Variants in CTNNA2 observed in about 807,000 individuals in gnomAD.
CTNNA2 encodes the protein catenin alpha 2.
Under a neutral mutation model 101.0 loss-of-function variants are expected in CTNNA2, and 42 were observed. The ratio of observed to expected loss-of-function variants is 0.42; its 90% confidence interval spans 0.32 to 0.54. The LOEUF (loss-of-function observed/expected upper bound fraction) is 0.54, where lower values mean the gene tolerates loss of function less well. Among genes scored for constraint, CTNNA2 ranks in the 20% least tolerant of loss-of-function variants. The pLI, the probability that CTNNA2 is intolerant of heterozygous loss-of-function variation, is 0.14. For missense variants in CTNNA2, 871 were observed against 1,223.1 expected, an observed-to-expected ratio of 0.71 and a Z score of 4.29; for synonymous variants, 450 against 456.4, an observed-to-expected ratio of 0.99 and a Z score of 0.18.
chr2:80,127,914 T>A (rs2148889857), intron 7 of CTNNA2, among the ~76,000 whole-genome samples: 1 of 152,272 alleles, frequency 6.6e-6, no homozygotes, highest in Non-Finnish European at 1.5e-5. Context: ...GGGAGAGTTC[T>A]TACTGGTCAC....
At chr2:80,097,457 C>T (rs1166270091) in intron 7 of CTNNA2, among the ~76,000 whole-genome samples, 1 of 152,120 alleles carries the variant, frequency 6.6e-6, no homozygotes, top group East Asian at 1.9e-4. Flanking sequence ...TTCATTTCAA[C>T]TTTGGTGAAT....
chr2:80,079,671 G>T (rs183466442), intron 7 of CTNNA2, among the ~76,000 whole-genome samples: 1 of 151,880 alleles, frequency 6.6e-6, no homozygotes, highest in African/African-American at 2.4e-5. Flanking sequence ...AAAATTAGCC[G>T]GGCGTGGTGG....
At chr2:80,109,004 A>G (rs1334320583) in intron 7 of CTNNA2, among the ~76,000 whole-genome samples, 1 of 152,160 alleles carries the variant, frequency 6.6e-6, no homozygotes, top group Non-Finnish European at 1.5e-5. Flanking sequence ...ATACCTCATC[A>G]CATACTTCCC....
intron 2 of CTNNA2, among the ~76,000 whole-genome samples, chr2:79,671,832 C>T (rs904173328): frequency 6.6e-6 from 1 of 152,170 alleles, no homozygotes; most frequent in African/African-American, 2.4e-5. Context: ...TGGAACTTCA[C>T]ATTGCATGTG....
At chr2:79,498,355 G>A (rs1290884568) in intron 4 of CTNNA2, among the ~76,000 whole-genome samples, 1 of 152,174 alleles carries the variant, frequency 6.6e-6, no homozygotes, top group Admixed American at 6.5e-5. Context: ...CTGTGTTTGA[G>A]CAGTTAAAGA....
intron 2 of CTNNA2, among the ~76,000 whole-genome samples, chr2:79,245,852 T>C (rs1214477219): frequency 1.3e-5 from 2 of 152,156 alleles, no homozygotes; most frequent in African/African-American, 4.8e-5. Flanking sequence ...CCTGTCCCTG[T>C]ATCTTCTCTC....
intron 15 of CTNNA2, among the ~76,000 whole-genome samples, chr2:80,595,094 T>C (rs116664433): frequency 0.014 from 2,195 of 152,210 alleles, 50 homozygotes; most frequent in African/African-American, 0.05. Flanking sequence ...CTTTCAGTAG[T>C]ATTGACATCT....
At chr2:79,515,368 A>G (rs1386027131) in intron 1 of CTNNA2, among the ~76,000 whole-genome samples, 1 of 152,210 alleles carries the variant, frequency 6.6e-6, no homozygotes, top group African/African-American at 2.4e-5. Flanking sequence ...AATTTCTTTC[A>G]AAAGACTTTT....
intron 4 of CTNNA2, among the ~76,000 whole-genome samples, chr2:79,402,819 A>C (rs1276780460): frequency 2.0e-5 from 3 of 151,854 alleles, no homozygotes; most frequent in Non-Finnish European, 4.4e-5. Flanking sequence ...ATTAGAAATC[A>C]ATCACAAAAT....
At chr2:80,448,631 G>A (rs561882185) in intron 9 of CTNNA2, among the ~76,000 whole-genome samples, 10 of 152,248 alleles carry the variant, frequency 6.6e-5, no homozygotes, top group Non-Finnish European at 1.3e-4. Flanking sequence ...CAGAACACCA[G>A]CTGCACTATT....
intron 4 of CTNNA2, among the ~76,000 whole-genome samples, chr2:79,450,873 G>A (rs1432214533): frequency 6.6e-6 from 1 of 152,090 alleles, no homozygotes; most frequent in East Asian, 1.9e-4. Context: ...ATGTATTCCA[G>A]TTCAGGGCCT....
chr2:79,846,752 T>C (rs1680259664), intron 3 of CTNNA2, among the ~76,000 whole-genome samples: 1 of 152,208 alleles, frequency 6.6e-6, no homozygotes, highest in South Asian at 2.1e-4. Context: ...TTGATAGTTA[T>C]TTTCTGAAAT....
chr2:80,528,081 T>C (rs961720564), intron 9 of CTNNA2, among the ~76,000 whole-genome samples: 1 of 152,352 alleles, frequency 6.6e-6, no homozygotes, highest in South Asian at 2.1e-4. Flanking sequence ...AATTTTCTTA[T>C]AGAATCAATT....
At position 79,295,510 on chromosome 2, in the gene CTNNA2, C is replaced by A. The variant is rs1022017560; in HGVS notation, c.-405-17199C>A. Among the ~76,000 whole-genome samples, 20 of 151,220 alleles carry A rather than the reference C, an allele frequency of 1.3e-4. No homozygotes were observed. The East Asian group carries it at 3.9e-3, about 29-fold the overall frequency. On this transcript the variant is annotated intron_variant, in intron 2 of 21. Transcript: ENST00000466387. ...TTTTTCTTTTCTTTTTTTTCTTTTT[C>A]TTTCTTTCTTTCTTTTTTTTTTATT...
chr2:79,869,072 A>G (rs1682374890), intron 4 of CTNNA2, among the ~76,000 whole-genome samples: 1 of 152,168 alleles, frequency 6.6e-6, no homozygotes, highest in African/African-American at 2.4e-5. Flanking sequence ...TTCAAAACTT[A>G]AATTATTTAT....
intron 1 of CTNNA2, among the ~76,000 whole-genome samples, chr2:79,601,914 A>G (rs1421388242): frequency 6.6e-6 from 1 of 152,250 alleles, no homozygotes; most frequent in Non-Finnish European, 1.5e-5. Context: ...ATCTTAGTCT[A>G]GCTTACCTTA....
intron 9 of CTNNA2, among the ~76,000 whole-genome samples, chr2:80,454,333 C>T (rs1026891761): frequency 3.3e-5 from 5 of 151,954 alleles, no homozygotes; most frequent in African/African-American, 1.2e-4. Flanking sequence ...ATGGAAGGTC[C>T]CTGGAAGCAG....
chr2:79,432,622 G>A (rs1215909840), intron 4 of CTNNA2, among the ~76,000 whole-genome samples: 3 of 152,128 alleles, frequency 2.0e-5, no homozygotes, highest in African/African-American at 2.4e-5. Context: ...GATACCACAA[G>A]GGTAAAATCT....
intron 13 of CTNNA2, chr2:80,579,115 C>T (rs772904614): frequency 5.9e-5 from 9 of 152,262 alleles, no homozygotes; most frequent in Admixed American, 6.5e-5. Context: ...AGACATATAG[C>T]TTGTGAATGG....
Sources: gnomAD v4.1 joint callset for allele counts (sites outside exome capture counted in the v4.1 genomes callset) on GRCh38, gnomAD v4.1.1 for gene constraint, MANE v1.5 for transcripts, NCBI Gene and HGNC (gene_info 2026-07-23, HGNC 2026-07-21) for gene names.